CDA: variants seen among roughly 807,000 people sequenced by gnomAD.
CDA encodes cytidine aminohydrolase.
In CDA, 7 loss-of-function variants were observed where a neutral mutation model predicts 15.0. The observed-to-expected ratio is 0.47, with a 90% CI of 0.26 to 0.87. CDA has a LOEUF of 0.87. Ranked by LOEUF, CDA falls within the 40% of genes least tolerant of loss-of-function variation. The pLI, the probability that CDA is intolerant of heterozygous loss-of-function variation, is 0.15. For synonymous variants in CDA, 58 were observed against 73.0 expected (o/e 0.79, Z 1.05); for missense variants, 159 against 182.7 (o/e 0.87, Z 0.75).
intron 1 of CDA, among the ~76,000 whole-genome samples, chr1:20,603,774 G>T (rs2052668508): frequency 6.6e-6 from 1 of 152,184 alleles, no homozygotes; most frequent in African/African-American, 2.4e-5. Flanking sequence ...GCTGGTCAGG[G>T]GAAAACCCAG....
chr1:20,606,196 C>G lies in CDA; in HGVS notation c.266+1157C>G, dbSNP rs370436085. Among the ~76,000 whole-genome samples, 3 of 66,414 alleles carry G rather than the reference C, an allele frequency of 4.5e-5. 1 individual carries two copies. Among genetic ancestry groups the G allele is most frequent in the East Asian group, 8.9e-4 (2 of 2,254 alleles). 43.6% of individuals were successfully genotyped at this position (66,414 alleles called of 152,430 possible). A position where few individuals can be genotyped will look rare whatever the true frequency, so the allele number is the denominator to read the frequency against. ...TTAAGGCTTCCGGAGGAATAAATGA[C>G]GGTTGGCGGGCGCCTGTAGTCCCAG... On this transcript the variant is annotated intron_variant, in intron 2 of 3. Transcript: ENST00000375071.
At chr1:20,599,790 T>G (rs1251541105) in intron 1 of CDA, among the ~76,000 whole-genome samples, 1 of 152,200 alleles carries the variant, frequency 6.6e-6, no homozygotes, top group Non-Finnish European at 1.5e-5. Context: ...ATGCAATTGA[T>G]AACAGCAGCA....
chr1:20,614,291 GA>G (rs35735696), intron 3 of CDA, among the ~76,000 whole-genome samples: 20 of 149,022 alleles, frequency 1.3e-4, no homozygotes, highest in African/African-American at 3.9e-4. Flanking sequence ...ACAAAATGCA[GA>G]AAAAAAAAAG....
At chr1:20,603,358 A>G (rs2052664901) in intron 1 of CDA, among the ~76,000 whole-genome samples, 1 of 152,178 alleles carries the variant, frequency 6.6e-6, no homozygotes, top group East Asian at 1.9e-4. Flanking sequence ...ACTCTGCCCC[A>G]TGAGTTGACC....
intron 3 of CDA, among the ~76,000 whole-genome samples, chr1:20,615,160 T>C (rs367715589): frequency 1.3e-5 from 2 of 152,088 alleles, no homozygotes; most frequent in South Asian, 4.2e-4. Flanking sequence ...GCGCCCAGCC[T>C]GGAGTGTACA....
rs530856511 is a variant in CDA at position 20,612,508 on chromosome 1, C to T, written c.267-1334C>T. Among the ~76,000 whole-genome samples, 6 of 152,140 alleles carry T rather than the reference C, an allele frequency of 3.9e-5. No individual in the cohort carries two copies. In the East Asian group the frequency reaches 9.7e-4, roughly 25 times the overall value. ...TCCCCACCCTGCACCGTGTGACCCC[C>T]GCCCCTGCCCACAAGAAAACAACCC... On this transcript the variant is annotated intron_variant, in intron 2 of 3. Transcript: ENST00000375071.
rs1430268775 is a variant in CDA at position 20,590,791 on chromosome 1, G to C, written c.154+1508G>C. 2.0e-5 allele frequency among the ~76,000 whole-genome samples: 3 copies of C among 152,184 alleles called. No homozygotes were observed. The East Asian group carries it at 5.8e-4, about 29-fold the overall frequency. On this transcript the variant is annotated intron_variant, in intron 1 of 3. Transcript: ENST00000375071. ...CTCAATAACTGTTGAGTGACTGATTGGATGAATGAATGAGATGAGTACGTT... is the reference window on the plus strand; with the variant it reads ...CTCAATAACTGTTGAGTGACTGATTCGATGAATGAATGAGATGAGTACGTT...
Position 20,604,957 on chromosome 1 carries a change from C to A in CDA, c.184C>A (p.Leu62Met), listed in dbSNP as rs2154532375. 1 of 1,613,658 alleles carries A rather than the reference C, an allele frequency of 6.2e-7. No homozygotes were observed. The highest frequency in any genetic ancestry group is 8.5e-7 in the Non-Finnish European group (1 of 1,179,728). Residue 62 changes from leucine (L) to methionine (M), a missense_variant, in exon 2 of 4, where the codon CTG becomes ATG. Physicochemically the swap from Leu to Met is conservative, Grantham distance 15 (BLOSUM62 2). Coordinates refer to ENST00000375071, the MANE Select transcript of CDA (RefSeq NM_001785.3). ...CAACATAGAAAATGCCTGCTACCCG[C>A]TGGGCATCTGTGCTGAACGGACCGC... ...GCNIENACYPLGICAERTAIQ... is the reference protein window; with the variant it reads ...GCNIENACYPMGICAERTAIQ...
intron 3 of CDA, among the ~76,000 whole-genome samples, chr1:20,617,171 T>C (rs1369107365): frequency 6.6e-6 from 1 of 152,092 alleles, no homozygotes; most frequent in African/African-American, 2.4e-5. Context: ...ACCAAGACAC[T>C]GAGTGAGCCC....
At chr1:20,613,070 A>G (rs970608984) in intron 2 of CDA, among the ~76,000 whole-genome samples, 2 of 152,128 alleles carry the variant, frequency 1.3e-5, no homozygotes, top group Non-Finnish European at 2.9e-5. Flanking sequence ...GGCATACAGT[A>G]GACATTCACT....
chr1:20,593,735 C>T (rs2052568393), intron 1 of CDA, among the ~76,000 whole-genome samples: 2 of 152,176 alleles, frequency 1.3e-5, no homozygotes, highest in African/African-American at 4.8e-5. Context: ...CCACCATGCC[C>T]AGCTAATCTT....
chr1:20,618,430 G>T (rs555204650), intron 3 of CDA, 22 bp from the exon 4 acceptor site: 6 of 1,470,754 alleles, frequency 4.1e-6, no homozygotes, highest in East Asian at 2.3e-5. Flanking sequence ...TGTCTCTCAC[G>T]CCAGCTTTGC....
At position 20,604,981 on chromosome 1, in the gene CDA, G is replaced by A. The variant is rs60369023; in HGVS notation, c.208G>A (p.Ala70Thr). 779 of 1,613,924 alleles carry A rather than the reference G, an allele frequency of 4.8e-4. 13 individuals are homozygous for A. The East Asian group carries it at 0.016, about 33-fold the overall frequency. The change falls in exon 2 of 4, where the codon GCT becomes ACT. Residue 70 changes from alanine to threonine, a missense_variant. Coordinates refer to ENST00000375071, the MANE Select transcript of CDA (RefSeq NM_001785.3). The stretch of plus-strand genomic sequence containing the variant: ...GCTGGGCATCTGTGCTGAACGGACC[G>A]CTATCCAGAAGGCCGTCTCAGAAGG... ...YPLGICAERTAIQKAVSEGYK... is the reference protein window; with the variant it reads ...YPLGICAERTTIQKAVSEGYK...
intron 3 of CDA, among the ~76,000 whole-genome samples, chr1:20,615,276 G>A (rs1044937217): frequency 1.3e-5 from 2 of 151,998 alleles, no homozygotes; most frequent in Non-Finnish European, 2.9e-5. Flanking sequence ...TTTTCAAGAA[G>A]AAACTTGAAG....
intron 3 of CDA, among the ~76,000 whole-genome samples, chr1:20,616,736 C>T (rs188061891): frequency 2.6e-5 from 4 of 152,156 alleles, no homozygotes; most frequent in Admixed American, 2.6e-4. Context: ...AGAGATGAGG[C>T]GTTGGGGCCA....
intron 3 of CDA, among the ~76,000 whole-genome samples, chr1:20,614,513 C>A (rs1214662470): frequency 1.3e-5 from 2 of 152,208 alleles, no homozygotes; most frequent in Non-Finnish European, 2.9e-5. Context: ...GGCCTCTAAA[C>A]CTAAGATATT....
At chr1:20,613,271 T>C (rs989268499) in intron 2 of CDA, among the ~76,000 whole-genome samples, 2 of 152,034 alleles carry the variant, frequency 1.3e-5, no homozygotes, top group African/African-American at 4.8e-5. Context: ...TGGCACGGTC[T>C]TGGCTCACTG....
chr1:20,603,310 C>A (rs377041281), intron 1 of CDA, among the ~76,000 whole-genome samples: 10 of 152,290 alleles, frequency 6.6e-5, no homozygotes, highest in East Asian at 3.9e-4. Flanking sequence ...CTTTTTCTCT[C>A]ACACAACAAT....
At chr1:20,612,422 A>G (rs1009246429) in intron 2 of CDA, among the ~76,000 whole-genome samples, 1 of 151,606 alleles carries the variant, frequency 6.6e-6, no homozygotes, top group African/African-American at 2.4e-5. Flanking sequence ...TCCCCACCCC[A>G]ACTAACCAAT....
Sources: gnomAD v4.1 joint callset for allele counts (sites outside exome capture counted in the v4.1 genomes callset) on GRCh38, gnomAD v4.1.1 for gene constraint, MANE v1.5 for transcripts, NCBI Gene and HGNC (gene_info 2026-07-23, HGNC 2026-07-21) for gene names.